The following SPTA1 variants were observed in gnomAD, a reference collection of about 807,000 sequenced individuals.
The protein encoded by SPTA1 is spectrin alpha chain, erythrocytic 1.
Under a neutral mutation model 324.7 loss-of-function variants are expected in SPTA1, and 177 were observed. The observed-to-expected ratio is 0.55, with a 90% CI of 0.48 to 0.62. The LOEUF is 0.62. SPTA1 is among the 20% of genes least tolerant of loss of function. The pLI, the probability that SPTA1 is intolerant of heterozygous loss-of-function variation, is 0.00. For synonymous variants in SPTA1, 1,195 were observed against 1,041.3 expected (o/e 1.15, Z -2.84); for missense variants, 3,162 against 2,883.6 (o/e 1.10, Z -2.21).
chr1:158,656,550 T>C lies in SPTA1; in HGVS notation c.2898+14A>G. 1 of 1,608,328 alleles carries C rather than the reference T, an allele frequency of 6.2e-7. No homozygotes were observed. The highest frequency in any genetic ancestry group is 8.5e-7 in the Non-Finnish European group (1 of 1,175,124). ...TGGGAAGTGTGAATCCTGTCATCGC[T>C]AAGTTAGTCTTACCTGGCAGGCGTT... is the stretch of plus-strand genomic sequence containing the variant. On this transcript the variant is annotated intron_variant, in intron 20 of 51. Transcript: ENST00000643759.
chr1:158,686,576 A>AGAGAG lies in SPTA1; in HGVS notation c.-60_-59insCTCTC. On this transcript the variant is annotated 5_prime_UTR_variant, in exon 1 of 52. It removes the in-frame stop codon of an upstream open reading frame in the 5' UTR. Transcript: ENST00000643759. ...ATGTGTCAGAGAGAGAGAGAGAGAG[A>AGAGAG]AATAATTCAAATGGAACTGTCCAGT... 5.3e-6 allele frequency: 7 copies of AGAGAG among 1,331,652 alleles called. No homozygotes were observed. The highest frequency in any genetic ancestry group is 2.3e-5 in the East Asian group (1 of 43,476). The allele number at this position is 1,331,652 out of a possible 1,614,324, so 82.5% of individuals were successfully genotyped here. A position where few individuals can be genotyped will look rare whatever the true frequency, so the allele number is the denominator to read the frequency against.
intron 4 of SPTA1, 93 bp downstream of exon 4, chr1:158,681,434 A>C: frequency 6.3e-7 from 1 of 1,591,024 alleles, no homozygotes; most frequent in Non-Finnish European, 8.6e-7. Context: ...AGACATCCTG[A>C]CTTCCTTGTG....
chr1:158,622,677 T>A (rs1039374037), intron 43 of SPTA1: 1 of 189,306 alleles, frequency 5.3e-6, no homozygotes, highest in Non-Finnish European at 1.1e-5. Context: ...CAACCTTGAC[T>A]TTTGCCTGAC....
intron 18 of SPTA1, among the ~76,000 whole-genome samples, chr1:158,658,594 C>T (rs1230411277): frequency 6.6e-6 from 1 of 152,050 alleles, no homozygotes; most frequent in African/African-American, 2.4e-5. Context: ...AATCAGTCCC[C>T]TAATAAACCC....
Position 158,644,333 on chromosome 1 carries a change from A to T in SPTA1, c.4258T>A (p.Ser1420Thr), listed in dbSNP as rs1316992969. 6.2e-7 allele frequency: 1 copy of T among 1,613,680 alleles called. No individual in the cohort carries two copies. The highest frequency in any genetic ancestry group is 1.3e-5 in the African/African-American group (1 of 74,850). ...WMVARENSLR[S>T]DDKSSLDSLE... ...CTGTCTAAGGAACTTTTGTCATCTG[A>T]CCTCAGGGAATTCTCACGTGCCACC... is the stretch of plus-strand genomic sequence containing the variant. Residue 1420 changes from serine to threonine, a missense_variant, in exon 30 of 52, where the codon TCA becomes ACA. Transcript: ENST00000643759.
intron 49 of SPTA1, 49 bp downstream of exon 49, chr1:158,614,204 T>C: frequency 2.2e-6 from 3 of 1,362,400 alleles, no homozygotes; most frequent in Non-Finnish European, 3.1e-6. Flanking sequence ...AGACTCATTC[T>C]GAATAATCTG....
At chr1:158,656,041 T>G (rs1000742372) in intron 20 of SPTA1, among the ~76,000 whole-genome samples, 14 of 152,336 alleles carry the variant, frequency 9.2e-5, no homozygotes, top group Non-Finnish European at 1.8e-4. Context: ...TTTCCAGTAC[T>G]GTTATTTCAA....
chr1:158,677,947 T>C (rs912758533), intron 6 of SPTA1, 113 bp from the exon 7 acceptor site: 18 of 1,336,480 alleles, frequency 1.3e-5, no homozygotes, highest in Non-Finnish European at 1.7e-5. Context: ...GCAATTATCC[T>C]TTCTTCCTAC....
In SPTA1 at chr1:158,639,855, T is replaced by C. The variant is rs1651402698; in HGVS notation, c.4875+15A>G. ...ATTAAACTCTTGTGTCTCTACTGTTTCCGGGTGCAATTACCTCTGAGAGCC... is the reference window on the plus strand; with the variant it reads ...ATTAAACTCTTGTGTCTCTACTGTTCCCGGGTGCAATTACCTCTGAGAGCC... On this transcript the variant is annotated intron_variant, in intron 34 of 51. Coordinates refer to ENST00000643759, the MANE Select transcript of SPTA1 (RefSeq NM_003126.4). The C allele has an allele frequency of 1.9e-6, 3 of 1,613,966 alleles. No individual in the cohort carries two copies. The highest frequency in any genetic ancestry group is 2.5e-6 in the Non-Finnish European group (3 of 1,179,930).
chr1:158,615,151 A>C (rs150585985), intron 48 of SPTA1, 65 bp downstream of exon 48: 24 of 1,587,786 alleles, frequency 1.5e-5, no homozygotes, highest in African/African-American at 9.4e-5. Context: ...TCTCGCCCTT[A>C]GTTAAGGTCC....
intron 40 of SPTA1, 81 bp from the exon 41 acceptor site, chr1:158,627,088 C>T: frequency 1.9e-6 from 3 of 1,548,016 alleles, no homozygotes; most frequent in Non-Finnish European, 1.8e-6. Flanking sequence ...AGAAAGCACT[C>T]ATCTCTCCCA....
Position 158,674,811 on chromosome 1 carries a change from T to G in SPTA1, c.1113-136A>C, listed in dbSNP as rs1654291401. ...AATCCTAGGTTCCCTTTTTCCTGATTATTTCCTGTTATTTACAGTCAGAGA... is the reference window on the plus strand; with the variant it reads ...AATCCTAGGTTCCCTTTTTCCTGATGATTTCCTGTTATTTACAGTCAGAGA... On this transcript the variant is annotated intron_variant, in intron 8 of 51. Transcript: ENST00000643759. The G allele has an allele frequency of 2.2e-5, 26 of 1,190,706 alleles. 1 individual carries two copies. The South Asian group carries it at 3.1e-4, about 14-fold the overall frequency. 73.8% of individuals were successfully genotyped at this position (1,190,706 alleles called of 1,614,324 possible). A position where few individuals can be genotyped will look rare whatever the true frequency, so the allele number is the denominator to read the frequency against.
chr1:158,618,655 T>A (rs1444736352), intron 45 of SPTA1, among the ~76,000 whole-genome samples: 3 of 152,228 alleles, frequency 2.0e-5, no homozygotes. Context: ...ACAATTAACA[T>A]AAATTATCTC....
At chr1:158,670,727 A>G (rs1331622140) in intron 12 of SPTA1, among the ~76,000 whole-genome samples, 2 of 152,224 alleles carry the variant, frequency 1.3e-5, no homozygotes, top group Non-Finnish European at 2.9e-5. Context: ...TAAGGCTCAC[A>G]GGAAAACTCT....
At chr1:158,617,748 T>C (rs1337045259) in intron 46 of SPTA1, among the ~76,000 whole-genome samples, 160 bp from the exon 47 acceptor site, 1 of 152,200 alleles carries the variant, frequency 6.6e-6, no homozygotes, top group Non-Finnish European at 1.5e-5. Flanking sequence ...CTTGCCAGAC[T>C]GATGAGAAGG....
chr1:158,648,017 T>C (rs1652129331), intron 26 of SPTA1, among the ~76,000 whole-genome samples: 1 of 152,308 alleles, frequency 6.6e-6, no homozygotes, highest in South Asian at 2.1e-4. Context: ...TGATTCTTCA[T>C]GTGAGGAGCT....
chr1:158,634,704 G>T, intron 38 of SPTA1, 29 bp from the exon 39 acceptor site: 1 of 1,613,662 alleles, frequency 6.2e-7, no homozygotes, highest in Non-Finnish European at 8.5e-7. Context: ...CCCCAGTGAG[G>T]ATAAGAACAA....
intron 45 of SPTA1, 91 bp from the exon 46 acceptor site, chr1:158,618,147 A>G (rs1463096425): frequency 7.5e-6 from 10 of 1,337,462 alleles, no homozygotes; most frequent in African/African-American, 1.4e-5. Flanking sequence ...ATTTCCTCAG[A>G]TTTATGAAAC....
chr1:158,652,795 G>A (rs1652549121), intron 22 of SPTA1, 142 bp from the exon 23 acceptor site: 6 of 962,878 alleles, frequency 6.2e-6, no homozygotes, highest in South Asian at 1.6e-5. Flanking sequence ...AAGAGAGGAG[G>A]AAATAAACTT....
Sources: gnomAD v4.1 joint callset for allele counts (sites outside exome capture counted in the v4.1 genomes callset) on GRCh38, gnomAD v4.1.1 for gene constraint, MANE v1.5 for transcripts, NCBI Gene and HGNC (gene_info 2026-07-23, HGNC 2026-07-21) for gene names.